FAM178B: variants seen among roughly 807,000 people sequenced by gnomAD.
FAM178B encodes the protein family with sequence similarity 178 member B.
Under a neutral mutation model 91.7 loss-of-function variants are expected in FAM178B, and 82 were observed. The ratio of observed to expected loss-of-function variants is 0.89; its 90% CI spans 0.75 to 1.07. FAM178B has a LOEUF of 1.07. FAM178B is among the 50% of genes least tolerant of loss of function. The probability of loss-of-function intolerance (pLI) is 0.00; values close to 1 mark genes in which losing one functional copy is unlikely to be tolerated. For missense variants in FAM178B, 769 were observed against 846.7 expected, an observed-to-expected ratio of 0.91 and a Z score of 1.14; for synonymous variants, 368 against 359.4, an observed-to-expected ratio of 1.02 and a Z score of -0.27.
intron 7 of FAM178B, among the ~76,000 whole-genome samples, chr2:96,949,181 G>C (rs968671386): frequency 6.6e-6 from 1 of 152,190 alleles, no homozygotes; most frequent in South Asian, 2.1e-4. Context: ...TAAAGCCCCA[G>C]GGAGGAGTAC....
intron 14 of FAM178B, among the ~76,000 whole-genome samples, chr2:96,886,037 C>T (rs541461039): frequency 3.3e-5 from 5 of 152,312 alleles, no homozygotes; most frequent in South Asian, 2.1e-4. Flanking sequence ...ATTGTCTCCG[C>T]GGTGTTGGCA....
At chr2:96,903,954 A>C (rs1254219404) in intron 12 of FAM178B, among the ~76,000 whole-genome samples, 1 of 152,208 alleles carries the variant, frequency 6.6e-6, no homozygotes, top group African/African-American at 2.4e-5. Flanking sequence ...AAAAAGCAGA[A>C]CAAGCAGCAG....
chr2:96,980,833 T>C (rs776184715), intron 1 of FAM178B, among the ~76,000 whole-genome samples: 4 of 152,176 alleles, frequency 2.6e-5, no homozygotes, highest in Non-Finnish European at 5.9e-5. Context: ...TATAGACATC[T>C]TCTTTTGTAA....
At chr2:96,895,543 A>AGCCTG (rs1378620031) in intron 13 of FAM178B, among the ~76,000 whole-genome samples, 1 of 152,228 alleles carries the variant, frequency 6.6e-6, no homozygotes, top group Non-Finnish European at 1.5e-5. Flanking sequence ...TGATTCGGGT[A>AGCCTG]GCCTGGGCCC....
intron 9 of FAM178B, among the ~76,000 whole-genome samples, chr2:96,925,046 T>C (rs1294930535): frequency 6.6e-6 from 1 of 151,768 alleles, no homozygotes; most frequent in Non-Finnish European, 1.5e-5. Context: ...ATTAGGGCCC[T>C]AACTGAATGG....
At chr2:96,978,451 C>T (rs1224060309) in intron 1 of FAM178B, among the ~76,000 whole-genome samples, 4 of 152,288 alleles carry the variant, frequency 2.6e-5, no homozygotes, top group Admixed American at 2.6e-4. Context: ...CTTTCAACCT[C>T]CCCACTTTTG....
chr2:96,970,733 G>A lies in FAM178B; in HGVS notation c.609C>T (p.Tyr203=). 1.9e-6 allele frequency: 3 copies of A among 1,551,382 alleles called. No homozygotes were observed. Among genetic ancestry groups the A allele is most frequent in the Non-Finnish European group, 2.6e-6 (3 of 1,146,786 alleles). Residue 203 remains tyrosine (Y), a synonymous_variant, in exon 4 of 17, where the codon TAC becomes TAT. Coordinates refer to ENST00000490605, the MANE Select transcript of FAM178B (RefSeq NM_001122646.3). ...GTGCTCACCTCTTCTCCTGCAGTAA[G>A]TAGTCCAGGTTGTTGAAGTAGCTTC... ...GSGSYFNNLD[Y]LLQEKREQAL... is the part of the protein sequence containing the mutation.
intron 13 of FAM178B, 135 bp from the exon 14 acceptor site, chr2:96,894,186 C>T: frequency 2.1e-6 from 2 of 964,930 alleles, no homozygotes; most frequent in Non-Finnish European, 3.1e-6. Flanking sequence ...AGACCCACCT[C>T]TACCTTATGA....
chr2:96,968,939 G>A (rs1046588999), intron 4 of FAM178B, among the ~76,000 whole-genome samples: 6 of 152,094 alleles, frequency 3.9e-5, no homozygotes, highest in East Asian at 3.9e-4. Context: ...GGTCCTAACC[G>A]GCACAGTCTG....
At chr2:96,895,903 T>A (rs2080813606) in intron 13 of FAM178B, among the ~76,000 whole-genome samples, 1 of 151,820 alleles carries the variant, frequency 6.6e-6, no homozygotes, top group Non-Finnish European at 1.5e-5. Context: ...GGGCTAGGAG[T>A]CAGGCCCAGG....
At chr2:96,910,334 G>C (rs1474988773) in intron 12 of FAM178B, among the ~76,000 whole-genome samples, 2 of 152,142 alleles carry the variant, frequency 1.3e-5, no homozygotes, top group African/African-American at 2.4e-5. Context: ...TCCCACCGGG[G>C]AGACGGCCTC....
chr2:96,914,226 T>C (rs1033652677), intron 12 of FAM178B, among the ~76,000 whole-genome samples: 15 of 152,128 alleles, frequency 9.9e-5, no homozygotes, highest in Admixed American at 1.3e-4. Context: ...AGGGAGGTTG[T>C]GCAGAGCCCT....
rs561065960 is a variant in FAM178B at position 96,982,609 on chromosome 2, T to C, written c.73+3632A>G. On this transcript the variant is annotated intron_variant, in intron 1 of 16. Coordinates refer to ENST00000490605, the MANE Select transcript of FAM178B (RefSeq NM_001122646.3). ...TTAGAGACAGAGTCTGTCTCTGTCATGTAGACTGGAGTGCAATGTCATGAT... is the reference window on the plus strand; with the variant it reads ...TTAGAGACAGAGTCTGTCTCTGTCACGTAGACTGGAGTGCAATGTCATGAT... Among the ~76,000 whole-genome samples, 19 of 152,052 alleles carry C rather than the reference T, an allele frequency of 1.2e-4. No individual in the cohort carries two copies. The East Asian group carries it at 3.5e-3, about 28-fold the overall frequency.
At chr2:96,942,191 T>C (rs988068903) in intron 8 of FAM178B, among the ~76,000 whole-genome samples, 1 of 152,208 alleles carries the variant, frequency 6.6e-6, no homozygotes, top group African/African-American at 2.4e-5. Flanking sequence ...CAACACATTG[T>C]TGACAGAAAT....
rs1224253609 is a variant in FAM178B, at chr2:96,921,676, G to C, written c.1288-22C>G. 12 of 1,549,922 alleles carry C rather than the reference G, an allele frequency of 7.7e-6. No individual in the cohort carries two copies. In the Admixed American group the frequency reaches 2.4e-4, roughly 30 times the overall value. On this transcript the variant is annotated intron_variant, in intron 10 of 16. Coordinates refer to ENST00000490605, the MANE Select transcript of FAM178B (RefSeq NM_001122646.3). ...GAAACTGGAGAGAGAAAAGAGGGCA[G>C]GGGTGGCCAGGGCATGGGGGAACGG...
In FAM178B at chr2:96,931,634, C is replaced by T. The variant is rs562907663; in HGVS notation, c.1079-2314G>A. 3.9e-5 allele frequency among the ~76,000 whole-genome samples: 6 copies of T among 152,232 alleles called. No individual in the cohort carries two copies. In the South Asian group the frequency reaches 8.3e-4, roughly 21 times the overall value. On this transcript the variant is annotated intron_variant, in intron 8 of 16. Transcript: ENST00000490605. ...GGGTGGGGACTTCCGCAAGGACCACCGTAAGAATCAGTTTCCTAAGCTCAC... is the reference window on the plus strand; with the variant it reads ...GGGTGGGGACTTCCGCAAGGACCACTGTAAGAATCAGTTTCCTAAGCTCAC...
chr2:96,916,978 C>T (rs2081251104), intron 12 of FAM178B, among the ~76,000 whole-genome samples: 2 of 152,164 alleles, frequency 1.3e-5, no homozygotes, highest in South Asian at 4.1e-4. Context: ...AGTGGAGCAG[C>T]AGCTCACTGA....
chr2:96,920,008 G>C (rs2081306951), intron 12 of FAM178B, among the ~76,000 whole-genome samples: 1 of 152,214 alleles, frequency 6.6e-6, no homozygotes, highest in East Asian at 1.9e-4. Flanking sequence ...CAGTGCAGGG[G>C]AAGGGAAGGG....
At chr2:96,948,615 A>G (rs887274150) in intron 7 of FAM178B, among the ~76,000 whole-genome samples, 2 of 152,328 alleles carry the variant, frequency 1.3e-5, no homozygotes, top group East Asian at 3.9e-4. Flanking sequence ...CATGCTGTGC[A>G]TGACATCGTT....
Sources: gnomAD v4.1 joint callset for allele counts (sites outside exome capture counted in the v4.1 genomes callset) on GRCh38, gnomAD v4.1.1 for gene constraint, MANE v1.5 for transcripts, NCBI Gene and HGNC (gene_info 2026-07-23, HGNC 2026-07-21) for gene names.